The following PTPRE variants were observed in gnomAD, a reference collection of about 807,000 sequenced individuals.
PTPRE encodes the protein receptor-type tyrosine-protein phosphatase epsilon.
In PTPRE, 51 loss-of-function variants were observed where a neutral mutation model predicts 102.0. The ratio of observed to expected loss-of-function variants is 0.50; its 90% CI spans 0.40 to 0.63. PTPRE has a LOEUF of 0.63. PTPRE is among the 30% of genes least tolerant of loss of function. The pLI is 0.00. For missense variants in PTPRE, 752 were observed against 915.1 expected, an observed-to-expected ratio of 0.82 and a Z score of 2.30; for synonymous variants, 345 against 348.2, an observed-to-expected ratio of 0.99 and a Z score of 0.10.
chr10:128,074,678 A>C (rs919640181), intron 17 of PTPRE, among the ~76,000 whole-genome samples: 1 of 152,032 alleles, frequency 6.6e-6, no homozygotes, highest in Non-Finnish European at 1.5e-5. Flanking sequence ...AAAAAAAAAA[A>C]AAAGTTTCTT....
chr10:128,040,469 G>C (rs1449287971), intron 2 of PTPRE, among the ~76,000 whole-genome samples: 1 of 152,176 alleles, frequency 6.6e-6, no homozygotes, highest in Non-Finnish European at 1.5e-5. Context: ...GCTTGAATGG[G>C]AGGGGTAGAG....
Position 128,067,174 on chromosome 10 carries a change from GCACACATT to G in PTPRE, c.844-941_844-934del, listed in dbSNP as rs1298976155. On this transcript the variant is annotated intron_variant, in intron 11 of 20. Transcript: ENST00000254667. ...ACACACCCCACTCACATGCACACAT[GCACACATT>G]CACACATGTGCACACACATACACCC... 5.6e-3 allele frequency among the ~76,000 whole-genome samples: 714 copies of G among 127,808 alleles called. 6 individuals carry two copies. Among genetic ancestry groups the G allele is most frequent in the Middle Eastern group, 0.038 (8 of 208 alleles). 83.8% of individuals were successfully genotyped at this position (127,808 alleles called of 152,430 possible).
intron 2 of PTPRE, among the ~76,000 whole-genome samples, chr10:127,992,114 T>C (rs1284270375): frequency 6.6e-6 from 1 of 151,838 alleles, no homozygotes; most frequent in Non-Finnish European, 1.5e-5. Context: ...GAAACACAGC[T>C]AGCAAGGAGG....
intron 7 of PTPRE, among the ~76,000 whole-genome samples, chr10:128,060,718 G>T (rs1431654392): frequency 6.6e-6 from 1 of 152,208 alleles, no homozygotes; most frequent in Non-Finnish European, 1.5e-5. Context: ...GAGACAGTCA[G>T]TGTTCACCAA....
intron 1 of PTPRE, among the ~76,000 whole-genome samples, chr10:127,929,890 C>T (rs567173487): frequency 1.3e-4 from 20 of 151,212 alleles, no homozygotes; most frequent in Non-Finnish European, 2.7e-4. Context: ...AACCCCATCT[C>T]TTCTAAAAAT....
At chr10:128,021,030 GACTACA>G (rs1845834288) in intron 2 of PTPRE, among the ~76,000 whole-genome samples, 1 of 152,046 alleles carries the variant, frequency 6.6e-6, no homozygotes, top group Non-Finnish European at 1.5e-5. Flanking sequence ...GAGTAGCTGG[GACTACA>G]GGTGCCCGCC....
intron 2 of PTPRE, among the ~76,000 whole-genome samples, chr10:128,036,617 C>T (rs1847242841): frequency 6.6e-6 from 1 of 152,082 alleles, no homozygotes; most frequent in African/African-American, 2.4e-5. Context: ...CTCCCTCCCA[C>T]CCCAGCTCCC....
intron 6 of PTPRE, 118 bp from the exon 7 acceptor site, chr10:128,056,005 G>T: frequency 1.3e-6 from 1 of 762,236 alleles, no homozygotes; most frequent in African/African-American, 1.7e-5. Context: ...GACGGACTAT[G>T]GACAGCAGGT....
chr10:127,941,824 C>T (rs1848267078), intron 1 of PTPRE, among the ~76,000 whole-genome samples: 1 of 151,996 alleles, frequency 6.6e-6, no homozygotes, highest in African/African-American at 2.4e-5. Flanking sequence ...TCCAGGCTTC[C>T]TTGGTTTGTG....
At chr10:128,005,210 T>C (rs1477097558) in intron 2 of PTPRE, among the ~76,000 whole-genome samples, 1 of 152,250 alleles carries the variant, frequency 6.6e-6, no homozygotes, top group Non-Finnish European at 1.5e-5. Flanking sequence ...GCTGACGCTG[T>C]CTTCTGATGC....
chr10:128,052,003 C>T (rs1276810727), intron 6 of PTPRE, among the ~76,000 whole-genome samples: 2 of 152,218 alleles, frequency 1.3e-5, no homozygotes, highest in Non-Finnish European at 2.9e-5. Context: ...GCTGGGACTA[C>T]AGGCATGTGC....
At position 127,999,799 on chromosome 10, in the gene PTPRE, C is replaced by T. The variant is rs1277685756; in HGVS notation, c.-8+17503C>T. The T allele has an allele frequency of 1.0e-5, 10 of 985,306 alleles. No homozygotes were observed. In the East Asian group the frequency reaches 6.8e-4, roughly 67 times the overall value. 61.0% of individuals were successfully genotyped at this position (985,306 alleles called of 1,614,324 possible). A position where few individuals can be genotyped will look rare whatever the true frequency, so the allele number is the denominator to read the frequency against. ...TGTGAGTGCCGGCAGCCGCGAGCCT[C>T]AGAAGGAAAATTACAAAGGGAATAC... On this transcript the variant is annotated intron_variant, in intron 2 of 20. Transcript: ENST00000254667.
chr10:128,078,961 C>T (rs1239999809), intron 19 of PTPRE, among the ~76,000 whole-genome samples: 2 of 152,202 alleles, frequency 1.3e-5, no homozygotes, highest in African/African-American at 4.8e-5. Flanking sequence ...CCTGGGCTCT[C>T]CTACGAGGGC....
intron 2 of PTPRE, chr10:127,999,607 G>A: frequency 2.0e-6 from 2 of 985,428 alleles, no homozygotes; most frequent in Non-Finnish European, 2.4e-6. Context: ...CAGCTACACT[G>A]GATTATATGC....
chr10:128,000,028 G>A (rs1438053188), intron 2 of PTPRE: 1 of 947,822 alleles, frequency 1.1e-6, no homozygotes, highest in East Asian at 1.2e-4. Context: ...TCTGTTGCTG[G>A]TTTAGATTGT....
chr10:128,054,259 G>A (rs775066757), intron 6 of PTPRE, among the ~76,000 whole-genome samples: 22 of 152,100 alleles, frequency 1.4e-4, no homozygotes, highest in Admixed American at 9.2e-4. Context: ...AAGTCCACAC[G>A]TCAGGGTTTG....
At position 128,019,134 on chromosome 10, in the gene PTPRE, C is replaced by T. The variant is rs570764702; in HGVS notation, c.-7-21741C>T. On this transcript the variant is annotated intron_variant, in intron 2 of 20. Transcript: ENST00000254667. ...CCCTGGGCCCCCTCTCCCCTCCCAGCCCCAGACAGGATCGTGCAGCGGTTC... is the reference window on the plus strand; with the variant it reads ...CCCTGGGCCCCCTCTCCCCTCCCAGTCCCAGACAGGATCGTGCAGCGGTTC... Among the ~76,000 whole-genome samples, 223 of 152,368 alleles carry T rather than the reference C, an allele frequency of 1.5e-3. 2 individuals are homozygous for T. The highest frequency in any genetic ancestry group is 4.3e-3 in the South Asian group (21 of 4,834).
intron 1 of PTPRE, among the ~76,000 whole-genome samples, chr10:127,959,020 C>T (rs1300858303): frequency 6.6e-6 from 1 of 152,046 alleles, no homozygotes; most frequent in African/African-American, 2.4e-5. Flanking sequence ...TCTCGGCCTC[C>T]CGAATAGCTG....
chr10:128,017,517 T>A lies in PTPRE; in HGVS notation c.-7-23358T>A, dbSNP rs557628898. On this transcript the variant is annotated intron_variant, in intron 2 of 20. Coordinates refer to ENST00000254667, the MANE Select transcript of PTPRE (RefSeq NM_006504.6). Reference sequence around the variant, plus strand: ...TGGAGTGGAAGGTACAGAATTTCCATATGCCCTCCCCACACAGGCACAGCC... The same window carrying A: ...TGGAGTGGAAGGTACAGAATTTCCAAATGCCCTCCCCACACAGGCACAGCC... Among the ~76,000 whole-genome samples the A allele has an allele frequency of 5.3e-5, 8 of 152,184 alleles. No individual in the cohort carries two copies. The East Asian group carries it at 1.5e-3, about 29-fold the overall frequency.
Sources: gnomAD v4.1 joint callset for allele counts (sites outside exome capture counted in the v4.1 genomes callset) on GRCh38, gnomAD v4.1.1 for gene constraint, MANE v1.5 for transcripts, NCBI Gene and HGNC (gene_info 2026-07-23, HGNC 2026-07-21) for gene names.